BMPER: variants seen among roughly 807,000 people sequenced by gnomAD.
BMPER encodes BMP-binding endothelial regulator protein.
In BMPER, 45 loss-of-function variants were observed where a neutral mutation model predicts 87.3. The observed-to-expected ratio is 0.52, with a 90% CI of 0.41 to 0.66. The LOEUF (loss-of-function observed/expected upper bound fraction) is 0.66, where lower values mean the gene tolerates loss of function less well. Among genes scored for constraint, BMPER ranks in the 30% least tolerant of loss-of-function variants. The probability of loss-of-function intolerance (pLI) is 0.00; values close to 1 mark genes in which losing one functional copy is unlikely to be tolerated. For missense variants in BMPER, 784 were observed against 867.5 expected (o/e 0.90, Z 1.21); for synonymous variants, 326 against 316.2 (o/e 1.03, Z -0.33).
intron 13 of BMPER, among the ~76,000 whole-genome samples, chr7:34,089,659 T>TA (rs749826813): frequency 1.3e-5 from 2 of 151,946 alleles, no homozygotes; most frequent in Non-Finnish European, 2.9e-5. Flanking sequence ...AATTTCTGTA[T>TA]TTTTAGTAGA....
chr7:34,146,608 A>G (rs1791028924), intron 14 of BMPER, among the ~76,000 whole-genome samples: 1 of 152,172 alleles, frequency 6.6e-6, no homozygotes, highest in Admixed American at 6.5e-5. Context: ...AATGCCCATA[A>G]TACTTTATAT....
chr7:33,932,678 T>C lies in BMPER; in HGVS notation c.220-4611T>C, dbSNP rs1426667646. On this transcript the variant is annotated intron_variant, in intron 2 of 14. Coordinates refer to ENST00000649409, the MANE Select transcript of BMPER (RefSeq NM_001365308.1). ...CGCCCGCAGACATTTCTCCCTCCAC[T>C]ACCCTCATCATATTAGCTGCTGCGT... Among the ~76,000 whole-genome samples the C allele has an allele frequency of 1.7e-4, 26 of 152,186 alleles. 1 individual carries two copies. The highest frequency in any genetic ancestry group is 1.7e-3 in the Admixed American group (26 of 15,274).
intron 3 of BMPER, among the ~76,000 whole-genome samples, chr7:33,944,415 C>T (rs1259747595): frequency 6.6e-6 from 1 of 152,140 alleles, no homozygotes; most frequent in South Asian, 2.1e-4. Flanking sequence ...GATCCACCTG[C>T]GTTGGCCTCC....
chr7:33,950,640 C>T (rs553681615), intron 3 of BMPER, among the ~76,000 whole-genome samples: 8 of 152,138 alleles, frequency 5.3e-5, no homozygotes, highest in Non-Finnish European at 1.0e-4. Context: ...CTTTTTAAGG[C>T]TCACTTAGTA....
chr7:33,958,017 G>T (rs1362208613), intron 3 of BMPER, among the ~76,000 whole-genome samples: 6 of 152,074 alleles, frequency 3.9e-5, no homozygotes, highest in African/African-American at 1.4e-4. Flanking sequence ...GAGACGGAGG[G>T]TTCCATTCTT....
At chr7:34,097,439 T>TGGGC (rs1562741567) in intron 13 of BMPER, among the ~76,000 whole-genome samples, 1 of 152,196 alleles carries the variant, frequency 6.6e-6, no homozygotes, top group Non-Finnish European at 1.5e-5. Flanking sequence ...CCATTAACTA[T>TGGGC]GGGCAGGTTA....
chr7:33,911,990 TG>T (rs1783976077), intron 2 of BMPER, among the ~76,000 whole-genome samples: 2 of 152,250 alleles, frequency 1.3e-5, no homozygotes, highest in Middle Eastern at 3.4e-3. Flanking sequence ...TTGTCAGAAA[TG>T]TTTAGTGAGT....
Position 34,056,014 on chromosome 7 carries a change from A to G in BMPER, c.927+711A>G, listed in dbSNP as rs79454188. 2.3e-3 allele frequency among the ~76,000 whole-genome samples: 358 copies of G among 152,376 alleles called. 4 individuals are homozygous for G. The highest frequency in any genetic ancestry group is 7.1e-3 in the African/African-American group (296 of 41,588). ...CCGAAGCTGTCACCTCATGATACCC[A>G]TGAGAATCAAGACCCACATAAACAA... On this transcript the variant is annotated intron_variant, in intron 9 of 14. Coordinates refer to ENST00000649409, the MANE Select transcript of BMPER (RefSeq NM_001365308.1).
intron 7 of BMPER, among the ~76,000 whole-genome samples, chr7:34,049,813 A>G (rs1307493570): frequency 1.3e-5 from 2 of 152,246 alleles, no homozygotes; most frequent in Non-Finnish European, 2.9e-5. Context: ...AAGGACAGAA[A>G]TATATCTCTG....
At chr7:33,916,127 G>T (rs1274195767) in intron 2 of BMPER, among the ~76,000 whole-genome samples, 1 of 152,192 alleles carries the variant, frequency 6.6e-6, no homozygotes, top group Non-Finnish European at 1.5e-5. Context: ...CCTATGAAAT[G>T]TGTTTATTCT....
At chr7:34,130,382 G>A (rs1235480489) in intron 13 of BMPER, among the ~76,000 whole-genome samples, 1 of 152,128 alleles carries the variant, frequency 6.6e-6, no homozygotes, top group African/African-American at 2.4e-5. Flanking sequence ...GACCACCACT[G>A]ACCTCCTAGC....
intron 13 of BMPER, among the ~76,000 whole-genome samples, chr7:34,115,682 T>C (rs1355746237): frequency 2.6e-5 from 4 of 152,274 alleles, no homozygotes; most frequent in African/African-American, 9.6e-5. Flanking sequence ...GTCCTTTTCA[T>C]GGTCAAATAA....
intron 3 of BMPER, among the ~76,000 whole-genome samples, chr7:33,965,102 C>A (rs559301199): frequency 1.6e-4 from 24 of 152,134 alleles, no homozygotes; most frequent in Non-Finnish European, 3.2e-4. Context: ...CTCGATTTGG[C>A]ATAAGTATTT....
intron 13 of BMPER, among the ~76,000 whole-genome samples, chr7:34,089,343 G>A (rs543641862): frequency 2.6e-5 from 4 of 152,046 alleles, no homozygotes; most frequent in Non-Finnish European, 4.4e-5. Flanking sequence ...TACCCATTTT[G>A]GGTTTCCTTA....
At chr7:34,112,102 AT>A in intron 13 of BMPER, among the ~76,000 whole-genome samples, 1 of 152,316 alleles carries the variant, frequency 6.6e-6, no homozygotes, top group Middle Eastern at 3.4e-3. Flanking sequence ...AGTTTACAAA[AT>A]TTATGAAATT....
At position 34,153,672 on chromosome 7, in the gene BMPER, G is replaced by A. The variant is rs1174955496; in HGVS notation, c.*399G>A. 1 of 197,274 alleles carries A rather than the reference G, an allele frequency of 5.1e-6. No homozygotes were observed. Among genetic ancestry groups the A allele is most frequent in the East Asian group, 1.3e-4 (1 of 7,492 alleles). The allele number at this position is 197,274 out of a possible 1,614,324, so 12.2% of individuals were successfully genotyped here. On this transcript the variant is annotated 3_prime_UTR_variant, in exon 15 of 15. Coordinates refer to ENST00000649409, the MANE Select transcript of BMPER (RefSeq NM_001365308.1). ...CTGCCTGTATTAATTTTAGTTTTGA[G>A]TCAGGATTTGTAATGGAGTGGGAAA...
rs202104924 is a variant in BMPER at position 33,999,623 on chromosome 7, C to G, written c.576+24839C>G. On this transcript the variant is annotated intron_variant, in intron 6 of 14. Transcript: ENST00000649409. ...TCTCTCAGAGCCTTTCCTTCTGGGA[C>G]CTTCAGTCCACAGCTGATAATCTAG... is the stretch of plus-strand genomic sequence containing the variant. Among the ~76,000 whole-genome samples the G allele has an allele frequency of 2.1e-4, 32 of 152,318 alleles. No homozygotes were observed. The East Asian group carries it at 6.2e-3, about 29-fold the overall frequency.
In BMPER at chr7:34,085,817, G is replaced by A. The variant is rs755728309; in HGVS notation, c.1470G>A (p.Lys490=). 8 of 1,614,200 alleles carry A rather than the reference G, an allele frequency of 5.0e-6. No homozygotes were observed. Among genetic ancestry groups the A allele is most frequent in the Non-Finnish European group, 4.2e-6 (5 of 1,180,044 alleles). Residue 490 remains lysine (K), a synonymous_variant, in exon 13 of 15, where the codon AAG becomes AAA. Transcript: ENST00000649409. ...AAGTCATGGCTGCGCCGCATCTCAAGGGCAAGCTCTGTGGTCTTTGTGGCA... is the reference window on the plus strand; with the variant it reads ...AAGTCATGGCTGCGCCGCATCTCAAAGGCAAGCTCTGTGGTCTTTGTGGCA... ...FVEVMAAPHL[K]GKLCGLCGNY...
chr7:34,032,302 C>T (rs1430358057), intron 6 of BMPER, among the ~76,000 whole-genome samples: 4 of 152,038 alleles, frequency 2.6e-5, no homozygotes, highest in East Asian at 3.9e-4. Flanking sequence ...GAATCTGGAA[C>T]GATTTCCTGG....
Sources: allele counts gnomAD v4.1 joint callset (sites outside exome capture counted in the v4.1 genomes callset), GRCh38; gene constraint gnomAD v4.1.1; transcripts MANE v1.5; gene names NCBI Gene and HGNC (gene_info 2026-07-23, HGNC 2026-07-21).